Variants in TAFA2 observed in about 807,000 individuals in gnomAD.
The protein encoded by TAFA2 is chemokine-like protein TAFA-2.
TAFA2 carries 7 observed loss-of-function variants against 18.8 expected under a neutral mutation model. That is an observed-to-expected ratio of 0.37 (90% CI 0.21 to 0.70). The LOEUF (loss-of-function observed/expected upper bound fraction) is 0.70. Among genes scored for constraint, TAFA2 ranks in the 30% least tolerant of loss-of-function variants. The pLI is 0.53. For missense variants in TAFA2, 122 were observed against 158.1 expected, an observed-to-expected ratio of 0.77 and a Z score of 1.23; for synonymous variants, 60 against 54.2, an observed-to-expected ratio of 1.11 and a Z score of -0.47.
chr12:62,237,113 T>C (rs923423288), intron 1 of TAFA2, among the ~76,000 whole-genome samples: 3 of 152,238 alleles, frequency 2.0e-5, no homozygotes, highest in Non-Finnish European at 4.4e-5. Flanking sequence ...TTATTTTCTA[T>C]ATCTTGCAGG....
intron 1 of TAFA2, among the ~76,000 whole-genome samples, chr12:61,926,837 C>T (rs1043245512): frequency 1.2e-4 from 19 of 152,104 alleles, no homozygotes; most frequent in African/African-American, 4.6e-4. Context: ...CTTTAGGAGG[C>T]TGAGGCGGGT....
rs1406119900 is a variant in TAFA2, at chr12:61,779,220, T to G, written c.107-24196A>C. ...ATAGTCTGAGAAGTACATTTTTCCTTTGGAGGTAGTGATGTGTGTGTGTGA... is the reference window on the plus strand; with the variant it reads ...ATAGTCTGAGAAGTACATTTTTCCTGTGGAGGTAGTGATGTGTGTGTGTGA... On this transcript the variant is annotated intron_variant, in intron 2 of 4. Transcript: ENST00000416284. Among the ~76,000 whole-genome samples, 8 of 151,962 alleles carry G rather than the reference T, an allele frequency of 5.3e-5. No individual in the cohort carries two copies. The East Asian group carries it at 7.8e-4, about 15-fold the overall frequency.
intron 1 of TAFA2, among the ~76,000 whole-genome samples, chr12:62,201,303 T>C (rs1218344493): frequency 6.6e-6 from 1 of 152,220 alleles, no homozygotes; most frequent in African/African-American, 2.4e-5. Context: ...AGAGAGGGCA[T>C]CCTTGTCTTA....
intron 1 of TAFA2, among the ~76,000 whole-genome samples, chr12:62,172,419 G>A (rs1025106810): frequency 6.6e-6 from 1 of 152,126 alleles, no homozygotes; most frequent in Non-Finnish European, 1.5e-5. Flanking sequence ...CCAAAAGAGG[G>A]CCCCAAAAGC....
chr12:62,018,831 C>A lies in TAFA2; in HGVS notation c.-1-151405G>T, dbSNP rs370844046. Among the ~76,000 whole-genome samples, 10 of 152,124 alleles carry A rather than the reference C, an allele frequency of 6.6e-5. No homozygotes were observed. In the South Asian group the frequency reaches 2.1e-3, roughly 32 times the overall value. ...AAGCCAAAATTGACAAATGGGATCTCATTAAACTAAAGAGCTTCTGCACAG... is the reference window on the plus strand; with the variant it reads ...AAGCCAAAATTGACAAATGGGATCTAATTAAACTAAAGAGCTTCTGCACAG... On this transcript the variant is annotated intron_variant, in intron 1 of 4. Coordinates refer to ENST00000416284, the MANE Select transcript of TAFA2 (RefSeq NM_178539.5).
At chr12:62,218,391 C>A (rs1270460676) in intron 1 of TAFA2, among the ~76,000 whole-genome samples, 4 of 152,142 alleles carry the variant, frequency 2.6e-5, no homozygotes, top group Non-Finnish European at 5.9e-5. Flanking sequence ...TGAACACATC[C>A]CCTATTACTT....
At chr12:61,743,530 T>G (rs1015144244) in intron 4 of TAFA2, among the ~76,000 whole-genome samples, 1 of 152,078 alleles carries the variant, frequency 6.6e-6, no homozygotes, top group African/African-American at 2.4e-5. Context: ...TTCTACCCCA[T>G]TAAAAGTTGG....
chr12:61,756,085 A>C (rs567761056), intron 2 of TAFA2, among the ~76,000 whole-genome samples: 1 of 152,094 alleles, frequency 6.6e-6, no homozygotes, highest in East Asian at 1.9e-4. Context: ...ATACATTTAT[A>C]TTAATCTTCC....
At chr12:61,732,498 G>A (rs1029651484) in intron 4 of TAFA2, among the ~76,000 whole-genome samples, 7 of 152,060 alleles carry the variant, frequency 4.6e-5, no homozygotes, top group Admixed American at 6.6e-5. Context: ...TAACACACAT[G>A]ACTTTGTAAC....
At chr12:61,733,682 AG>A (rs1238271522) in intron 4 of TAFA2, among the ~76,000 whole-genome samples, 3 of 150,690 alleles carry the variant, frequency 2.0e-5, no homozygotes, top group Admixed American at 2.0e-4. Flanking sequence ...GTAGCCTTGT[AG>A]TATAGTTTGA....
chr12:61,761,187 A>G, intron 2 of TAFA2, among the ~76,000 whole-genome samples: 1 of 152,080 alleles, frequency 6.6e-6, no homozygotes, highest in East Asian at 1.9e-4. Flanking sequence ...TTTTGAAACG[A>G]AGTCCCATAG....
chr12:62,094,867 T>C (rs1868878733), intron 1 of TAFA2, among the ~76,000 whole-genome samples: 1 of 152,096 alleles, frequency 6.6e-6, no homozygotes, highest in Admixed American at 6.6e-5. Flanking sequence ...ATTCTGAGAA[T>C]ATTCACCAAA....
rs139640048 is a variant in TAFA2 at position 61,805,164 on chromosome 12, T to A, written c.107-50140A>T. 6.3e-3 allele frequency among the ~76,000 whole-genome samples: 956 copies of A among 152,046 alleles called. 9 individuals carry two copies. The highest frequency in any genetic ancestry group is 0.022 in the African/African-American group (896 of 41,530). On this transcript the variant is annotated intron_variant, in intron 2 of 4. Coordinates refer to ENST00000416284, the MANE Select transcript of TAFA2 (RefSeq NM_178539.5). ...AAATATAACATATATTATAATCAAA[T>A]TTTTTAGGATTATTTAATAATTATG...
At chr12:62,139,469 A>T (rs772982119) in intron 1 of TAFA2, among the ~76,000 whole-genome samples, 16 of 152,034 alleles carry the variant, frequency 1.1e-4, no homozygotes, top group Non-Finnish European at 1.5e-4. Flanking sequence ...TTATAATAGA[A>T]TGTGAGAATT....
At chr12:61,988,537 G>A (rs1042574967) in intron 1 of TAFA2, among the ~76,000 whole-genome samples, 1 of 152,058 alleles carries the variant, frequency 6.6e-6, no homozygotes, top group Non-Finnish European at 1.5e-5. Flanking sequence ...AGCACATAAT[G>A]TCTTCAATCA....
At chr12:62,138,169 A>C (rs1870973782) in intron 1 of TAFA2, among the ~76,000 whole-genome samples, 1 of 152,088 alleles carries the variant, frequency 6.6e-6, no homozygotes, top group African/African-American at 2.4e-5. Flanking sequence ...TGTTGTCCAA[A>C]GCTACTTGAA....
intron 1 of TAFA2, among the ~76,000 whole-genome samples, chr12:62,002,372 C>T (rs543855335): frequency 3.3e-5 from 5 of 152,162 alleles, no homozygotes; most frequent in African/African-American, 4.8e-5. Context: ...CCTGGCTCCC[C>T]GCTGAGCACC....
At chr12:62,014,023 T>C (rs1880849675) in intron 1 of TAFA2, among the ~76,000 whole-genome samples, 1 of 152,236 alleles carries the variant, frequency 6.6e-6, no homozygotes, top group Non-Finnish European at 1.5e-5. Flanking sequence ...ACTTGATATC[T>C]GACTGTTGAC....
chr12:62,112,591 C>G (rs1041174945), intron 1 of TAFA2, among the ~76,000 whole-genome samples: 10 of 152,054 alleles, frequency 6.6e-5, no homozygotes, highest in African/African-American at 2.4e-4. Flanking sequence ...CAACTTGGTT[C>G]CCTTCTCCCA....
Sources: allele counts gnomAD v4.1 joint callset (sites outside exome capture counted in the v4.1 genomes callset), GRCh38; gene constraint gnomAD v4.1.1; transcripts MANE v1.5; gene names NCBI Gene and HGNC (gene_info 2026-07-23, HGNC 2026-07-21).